The following HKDC1 variants were observed in gnomAD, a reference collection of about 807,000 sequenced individuals.
HKDC1 encodes the protein hexokinase HKDC1.
In HKDC1, 66 loss-of-function variants were observed where a neutral mutation model predicts 96.6. That is an observed-to-expected ratio of 0.68 (90% confidence interval 0.56 to 0.84). HKDC1 has a LOEUF of 0.84. HKDC1 is among the 40% of genes least tolerant of loss of function. HKDC1 has a pLI of 0.00. For missense variants in HKDC1, 1,211 were observed against 1,208.1 expected (o/e 1.00, Z -0.04); for synonymous variants, 466 against 473.1 (o/e 0.98, Z 0.20).
chr10:69,243,310 C>T lies in HKDC1; in HGVS notation c.820C>T (p.Arg274Cys), dbSNP rs143670175. ...FGDDGALEDI[R>C]TEFDRELDLG... ...GGACGACGGGGCCCTGGAGGACATTCGCACTGAGTTCGACAGGGAGCTGGA... is the reference window on the plus strand; with the variant it reads ...GGACGACGGGGCCCTGGAGGACATTTGCACTGAGTTCGACAGGGAGCTGGA... Residue 274 changes from arginine to cysteine, a missense_variant, in exon 7 of 18, where the codon CGC (arginine) becomes TGC (cysteine). By Grantham distance (180) the Arg-to-Cys change is radical. Coordinates refer to ENST00000354624, the MANE Select transcript of HKDC1 (RefSeq NM_025130.4). 30 of 1,612,832 alleles carry T rather than the reference C, an allele frequency of 1.9e-5. No individual in the cohort carries two copies. Among genetic ancestry groups the T allele is most frequent in the Middle Eastern group, 1.7e-4 (1 of 6,042 alleles).
chr10:69,260,429 T>G (rs1472130634), intron 15 of HKDC1, among the ~76,000 whole-genome samples: 1 of 152,250 alleles, frequency 6.6e-6, no homozygotes, highest in Non-Finnish European at 1.5e-5. Context: ...GTTAGCTTTG[T>G]GTCTGTAGCC....
Position 69,250,594 on chromosome 10 carries a change from C to T in HKDC1, c.1778C>T (p.Ala593Val). 1 of 1,613,996 alleles carries T rather than the reference C, an allele frequency of 6.2e-7. No homozygotes were observed. The highest frequency in any genetic ancestry group is 1.3e-5 in the African/African-American group (1 of 75,036). Residue 593 changes from alanine (A) to valine (V), a missense_variant, in exon 12 of 18, where the codon GCC becomes GTC. Physicochemically the swap from Ala to Val is moderately conservative, Grantham distance 64 (BLOSUM62 0). Coordinates refer to ENST00000354624, the MANE Select transcript of HKDC1 (RefSeq NM_025130.4). Reference protein sequence around the residue: ...DFLDYMGLKGASLPLGFTFSF... With the variant: ...DFLDYMGLKGVSLPLGFTFSF... ...CTGGACTACATGGGCCTCAAGGGAGCCTCCCTACCTTTGGGCTTCACATTC... is the reference window on the plus strand; with the variant it reads ...CTGGACTACATGGGCCTCAAGGGAGTCTCCCTACCTTTGGGCTTCACATTC...
intron 4 of HKDC1, among the ~76,000 whole-genome samples, chr10:69,237,279 G>GTC (rs554835110): frequency 0.15 from 12,768 of 86,410 alleles, 744 homozygotes; most frequent in East Asian, 0.41. Context: ...AAATTTCTTT[G>GTC]TGTGTGTGTG....
At chr10:69,246,005 G>A in intron 7 of HKDC1, 74 bp from the exon 8 acceptor site, 14 of 1,568,208 alleles carry the variant, frequency 8.9e-6, no homozygotes, top group Non-Finnish European at 1.1e-5. Context: ...TGTGGGCAGT[G>A]GCTCCTGGTC....
At chr10:69,235,295 G>A (rs893175056) in intron 4 of HKDC1, among the ~76,000 whole-genome samples, 7 of 152,168 alleles carry the variant, frequency 4.6e-5, no homozygotes, top group Middle Eastern at 3.4e-3. Flanking sequence ...GGTGGCGGGC[G>A]CCTGTAATCC....
Position 69,232,849 on chromosome 10 carries a change from C to T in HKDC1, c.312C>T (p.His104=), listed in dbSNP as rs181028981. The T allele has an allele frequency of 5.0e-6, 8 of 1,614,034 alleles. No homozygotes were observed. In the Admixed American group the frequency reaches 5.0e-5, roughly 10 times the overall value. The change falls in exon 3 of 18, where the codon CAC becomes CAT. Residue 104 remains histidine (H), a synonymous_variant. Transcript: ENST00000354624. ...KVQVAEEGKR[H]VQMESQFYPT... ...AAGTCGCTGAAGAGGGGAAGCGACA[C>T]GTGCAGATGGAGAGTCAGTTCTACC...
In HKDC1 at chr10:69,267,344, G is replaced by T. The variant is rs1843920909; in HGVS notation, c.*587G>T. 1 of 388,222 alleles carries T rather than the reference G, an allele frequency of 2.6e-6. No homozygotes were observed. Among genetic ancestry groups the T allele is most frequent in the African/African-American group, 2.1e-5 (1 of 47,298 alleles). 24.0% of individuals were successfully genotyped at this position (388,222 alleles called of 1,614,324 possible). On this transcript the variant is annotated 3_prime_UTR_variant, in exon 18 of 18. Coordinates refer to ENST00000354624, the MANE Select transcript of HKDC1 (RefSeq NM_025130.4). ...AGGTTGATTGCCAGGGAGCACTGCA[G>T]GAATCATTGCATGCTTAAAGCGAGT... is the stretch of plus-strand genomic sequence containing the variant.
At chr10:69,228,175 C>T (rs1843192452) in intron 2 of HKDC1, among the ~76,000 whole-genome samples, 1 of 152,146 alleles carries the variant, frequency 6.6e-6, no homozygotes, top group African/African-American at 2.4e-5. Flanking sequence ...CTTAACTTTT[C>T]CAGTTTCGAG....
chr10:69,238,958 T>C (rs1454104850), intron 4 of HKDC1, 84 bp from the exon 5 acceptor site: 1 of 865,660 alleles, frequency 1.2e-6, no homozygotes, highest in African/African-American at 1.7e-5. Context: ...CCATGGGGGA[T>C]GCACGTAGGC....
intron 12 of HKDC1, among the ~76,000 whole-genome samples, chr10:69,255,017 G>C (rs927295959): frequency 6.6e-6 from 1 of 152,176 alleles, no homozygotes; most frequent in Non-Finnish European, 1.5e-5. Flanking sequence ...CATTGCTGCT[G>C]CCATTAAAAA....
intron 15 of HKDC1, among the ~76,000 whole-genome samples, chr10:69,259,170 A>G (rs983102470): frequency 5.9e-5 from 9 of 152,352 alleles, no homozygotes; most frequent in African/African-American, 1.7e-4. Flanking sequence ...ATAAGGCCCC[A>G]TAAGGTCTAG....
At position 69,233,138 on chromosome 10, in the gene HKDC1, G is replaced by A. The variant is rs1225480362; in HGVS notation, c.495+5G>A. The A allele has an allele frequency of 1.9e-6, 3 of 1,613,736 alleles. No individual in the cohort carries two copies. Among genetic ancestry groups the A allele is most frequent in the South Asian group, 1.1e-5 (1 of 91,080 alleles). Reference sequence around the variant, plus strand: ...CGACAGACTAAACTGGAAGAGGTAAGGCGCGGAGGGAAGCAGCAGTGCAGG... The same window carrying A: ...CGACAGACTAAACTGGAAGAGGTAAAGCGCGGAGGGAAGCAGCAGTGCAGG... On this transcript the variant is annotated splice_donor_5th_base_variant and intron_variant, in intron 4 of 17. Coordinates refer to ENST00000354624, the MANE Select transcript of HKDC1 (RefSeq NM_025130.4).
chr10:69,244,134 C>A (rs1409852262), intron 7 of HKDC1, among the ~76,000 whole-genome samples: 1 of 152,082 alleles, frequency 6.6e-6, no homozygotes, highest in Non-Finnish European at 1.5e-5. Context: ...GTTTGCTGTC[C>A]ACAATTTTTA....
intron 17 of HKDC1, 30 bp from the exon 18 acceptor site, chr10:69,266,580 G>A: frequency 5.6e-6 from 9 of 1,609,642 alleles, no homozygotes; most frequent in Non-Finnish European, 7.6e-6. Context: ...ACATGGAAGG[G>A]CTGATGATGT....
chr10:69,257,181 C>T (rs370610505), intron 13 of HKDC1, 50 bp downstream of exon 13: 14 of 1,539,914 alleles, frequency 9.1e-6, no homozygotes, highest in African/African-American at 8.2e-5. Context: ...CTTCCCCAGG[C>T]CCCTCTGCTC....
At chr10:69,220,548 C>A in intron 1 of HKDC1, 50 bp downstream of exon 1, 4 of 1,318,590 alleles carry the variant, frequency 3.0e-6, no homozygotes, top group Non-Finnish European at 4.2e-6. Context: ...TCTTCACGGA[C>A]AAAACTGATT....
At chr10:69,223,742 G>A (rs1843104948) in intron 1 of HKDC1, among the ~76,000 whole-genome samples, 2 of 150,190 alleles carry the variant, frequency 1.3e-5, no homozygotes, top group African/African-American at 2.4e-5. Flanking sequence ...GCACCACCAC[G>A]CCCAGCTAAT....
Position 69,227,192 on chromosome 10 carries a change from C to T in HKDC1, c.64-15C>T, listed in dbSNP as rs748548853. 1.9e-5 allele frequency: 31 copies of T among 1,613,630 alleles called. No homozygotes were observed. Among genetic ancestry groups the T allele is most frequent in the Admixed American group, 1.8e-4 (11 of 60,010 alleles). ...GCCCCCAGCAGCACCCCTTGGTGGC[C>T]GGTGTCTGTTCCAGGTGGACAGGTT... is the stretch of plus-strand genomic sequence containing the variant. On this transcript the variant is annotated splice_polypyrimidine_tract_variant and intron_variant, in intron 1 of 17. Transcript: ENST00000354624.
intron 17 of HKDC1, among the ~76,000 whole-genome samples, 191 bp from the exon 18 acceptor site, chr10:69,266,419 C>T (rs1279312590): frequency 1.4e-5 from 2 of 147,634 alleles, no homozygotes; most frequent in Non-Finnish European, 3.0e-5. Flanking sequence ...GCTGTGATTG[C>T]ACAACTGCAG....
Sources: allele counts gnomAD v4.1 joint callset (sites outside exome capture counted in the v4.1 genomes callset), GRCh38; gene constraint gnomAD v4.1.1; transcripts MANE v1.5; gene names NCBI Gene and HGNC (gene_info 2026-07-23, HGNC 2026-07-21).